GABBR2: variants seen among roughly 807,000 people sequenced by gnomAD.
The protein encoded by GABBR2 is gamma-aminobutyric acid type B receptor subunit 2.
In GABBR2, 23 loss-of-function variants were observed where a neutral mutation model predicts 105.6. The observed-to-expected ratio is 0.22, with a 90% CI of 0.16 to 0.31. The LOEUF is 0.31. Among genes scored for constraint, GABBR2 ranks in the 10% least tolerant of loss-of-function variants. The probability of loss-of-function intolerance (pLI) is 1.00; values close to 1 mark genes in which losing one functional copy is unlikely to be tolerated. For missense variants in GABBR2, 734 were observed against 1,245.5 expected (o/e 0.59, Z 6.18); for synonymous variants, 478 against 499.7 (o/e 0.96, Z 0.58).
rs1286951382 is a variant in GABBR2 at position 98,708,678 on chromosome 9, GGGCGGCGGTGGC to G, written c.48_59del (p.Pro17_Pro20del). The stretch of plus-strand genomic sequence containing the variant: ...GCAGCAGTAGCAGTAGCAGGCGCGC[GGGCGGCGGTGGC>G]GGCGGCGGCGGCGGCCCGGGCTGCC... On this transcript the variant is annotated inframe_deletion, in exon 1 of 19. Transcript: ENST00000259455. The G allele has an allele frequency of 1.1e-5, 12 of 1,128,346 alleles. No homozygotes were observed. The highest frequency in any genetic ancestry group is 1.2e-5 in the Non-Finnish European group (11 of 922,744). 69.9% of individuals were successfully genotyped at this position (1,128,346 alleles called of 1,614,324 possible).
chr9:98,582,360 A>T (rs958498254), intron 1 of GABBR2, among the ~76,000 whole-genome samples: 4 of 152,238 alleles, frequency 2.6e-5, no homozygotes, highest in Non-Finnish European at 2.9e-5. Context: ...CAATTGCAAG[A>T]AACTGAACTC....
At chr9:98,679,594 T>G (rs1830515668) in intron 1 of GABBR2, among the ~76,000 whole-genome samples, 1 of 152,204 alleles carries the variant, frequency 6.6e-6, no homozygotes, top group South Asian at 2.1e-4. Flanking sequence ...TATCCCCAAA[T>G]CTGGCACCTT....
intron 3 of GABBR2, among the ~76,000 whole-genome samples, chr9:98,518,136 C>T (rs1479817523): frequency 6.6e-6 from 1 of 152,128 alleles, no homozygotes; most frequent in Non-Finnish European, 1.5e-5. Context: ...CCTCCCAATT[C>T]CAGTAGCTCT....
intron 1 of GABBR2, among the ~76,000 whole-genome samples, chr9:98,579,708 G>A (rs1828973279): frequency 6.6e-6 from 1 of 152,096 alleles, no homozygotes; most frequent in South Asian, 2.1e-4. Context: ...ATGGCAAAGT[G>A]GATTCAAAAG....
At chr9:98,310,102 G>A (rs1175810147) in intron 14 of GABBR2, among the ~76,000 whole-genome samples, 5 of 152,184 alleles carry the variant, frequency 3.3e-5, no homozygotes, top group Admixed American at 2.6e-4. Context: ...CCAGCTTTGT[G>A]TCACTAGATG....
In GABBR2 at chr9:98,341,653, T is replaced by C. The variant is rs1410799141; in HGVS notation, c.1893+21062A>G. Among the ~76,000 whole-genome samples, 8 of 152,118 alleles carry C rather than the reference T, an allele frequency of 5.3e-5. 1 individual carries two copies. The highest frequency in any genetic ancestry group is 4.2e-4 in the South Asian group (2 of 4,818). ...TGCCTGATGGAAGGAAGGAAGTAGA[T>C]ACAAGTTCACGGAGAGAGCACAGCC... On this transcript the variant is annotated intron_variant, in intron 13 of 18. Coordinates refer to ENST00000259455, the MANE Select transcript of GABBR2 (RefSeq NM_005458.8).
chr9:98,609,682 C>T (rs1015860126), intron 1 of GABBR2, among the ~76,000 whole-genome samples: 7 of 152,136 alleles, frequency 4.6e-5, no homozygotes, highest in Non-Finnish European at 8.8e-5. Context: ...CTCCAGCTTT[C>T]GGCCCCCTCA....
chr9:98,576,991 TATGGGTGGATGG>T (rs146972379), intron 2 of GABBR2, among the ~76,000 whole-genome samples: 1,253 of 101,872 alleles, frequency 0.012, 41 homozygotes, highest in African/African-American at 0.043. Context: ...TGGATGGATG[TATGGGTGGATGG>T]ATGGATGGAT....
intron 13 of GABBR2, among the ~76,000 whole-genome samples, chr9:98,314,689 C>A (rs933224616): frequency 2.0e-5 from 3 of 152,144 alleles, no homozygotes; most frequent in African/African-American, 7.2e-5. Flanking sequence ...CTCATCTCTC[C>A]CCTGGGGTTC....
chr9:98,438,188 C>T (rs981946581), intron 7 of GABBR2, among the ~76,000 whole-genome samples: 15 of 107,842 alleles, frequency 1.4e-4, no homozygotes, highest in African/African-American at 6.5e-4. Context: ...TCCATCCATC[C>T]ATCCATCCAT....
intron 4 of GABBR2, among the ~76,000 whole-genome samples, chr9:98,492,120 T>C (rs969639836): frequency 4.6e-5 from 7 of 152,106 alleles, no homozygotes; most frequent in Admixed American, 1.3e-4. Flanking sequence ...CCTAGATATT[T>C]GTAAGATTTT....
chr9:98,564,223 G>A (rs1411743888), intron 2 of GABBR2, among the ~76,000 whole-genome samples: 1 of 152,200 alleles, frequency 6.6e-6, no homozygotes, highest in Non-Finnish European at 1.5e-5. Flanking sequence ...GAGGGAGGCA[G>A]AGACCCGGAG....
intron 17 of GABBR2, among the ~76,000 whole-genome samples, 176 bp downstream of exon 17, chr9:98,299,048 A>T (rs1830426318): frequency 6.6e-6 from 1 of 152,206 alleles, no homozygotes; most frequent in Admixed American, 6.5e-5. Context: ...CTCAAAGCGG[A>T]CACTGAACTG....
rs966641970 is a variant in GABBR2, at chr9:98,290,403, G to T, written c.*181C>A. 1 of 390,394 alleles carries T rather than the reference G, an allele frequency of 2.6e-6. No individual in the cohort carries two copies. The allele number at this position is 390,394 out of a possible 1,614,324, so 24.2% of individuals were successfully genotyped here. A position where few individuals can be genotyped will look rare whatever the true frequency, so the allele number is the denominator to read the frequency against. On this transcript the variant is annotated 3_prime_UTR_variant, in exon 19 of 19. Coordinates refer to ENST00000259455, the MANE Select transcript of GABBR2 (RefSeq NM_005458.8). ...AAGGACTTCACAAATAAGGCTCGAG[G>T]TCAGGTGCCAAGTCTCCCCCTGCCC...
rs758138920 is a variant in GABBR2 at position 98,480,989 on chromosome 9, A to G, written c.741T>C (p.Asp247=). 6 of 1,600,020 alleles carry G rather than the reference A, an allele frequency of 3.7e-6. No individual in the cohort carries two copies. The highest frequency in any genetic ancestry group is 5.1e-6 in the Non-Finnish European group (6 of 1,167,126). ...CAAACTGGCCAAGGATGATCCGCAC[A>G]TCATTCCCCTGTGGATGGAAGGACA... ...CTSVKKLKGN[D]VRIILGQFDQ... The change falls in exon 5 of 19, where the codon GAT becomes GAC. Residue 247 remains aspartate (D), a synonymous_variant. Transcript: ENST00000259455.
intron 12 of GABBR2, among the ~76,000 whole-genome samples, chr9:98,364,425 T>G (rs1831641006): frequency 6.6e-6 from 1 of 152,154 alleles, no homozygotes; most frequent in Non-Finnish European, 1.5e-5. Context: ...GCTGGCATAC[T>G]CCTACCCTGA....
intron 1 of GABBR2, among the ~76,000 whole-genome samples, chr9:98,622,441 A>G (rs1829682394): frequency 6.6e-6 from 1 of 152,106 alleles, no homozygotes; most frequent in Admixed American, 6.5e-5. Context: ...GCTAACGCCC[A>G]TATTTTATAA....
intron 2 of GABBR2, among the ~76,000 whole-genome samples, chr9:98,556,192 C>T (rs371146359): frequency 3.3e-5 from 5 of 152,272 alleles, no homozygotes; most frequent in South Asian, 4.1e-4. Context: ...AAGCTCTGAG[C>T]GGCAGACTCG....
chr9:98,394,140 C>T, intron 9 of GABBR2, 35 bp downstream of exon 9: 1 of 1,465,450 alleles, frequency 6.8e-7, no homozygotes, highest in Non-Finnish European at 9.6e-7. Flanking sequence ...AGCAACTGGG[C>T]AGGCCCCCTC....
Sources: allele counts gnomAD v4.1 joint callset (sites outside exome capture counted in the v4.1 genomes callset), GRCh38; gene constraint gnomAD v4.1.1; transcripts MANE v1.5; gene names NCBI Gene and HGNC (gene_info 2026-07-23, HGNC 2026-07-21).